FOXO3: variants seen among roughly 807,000 people sequenced by gnomAD.
The protein encoded by FOXO3 is forkhead box protein O3.
Under a neutral mutation model 41.9 loss-of-function variants are expected in FOXO3, and 4 were observed. The ratio of observed to expected loss-of-function variants is 0.10; its 90% confidence interval spans 0.05 to 0.22. The LOEUF (loss-of-function observed/expected upper bound fraction) is 0.22. Ranked by LOEUF, FOXO3 falls within the 10% of genes least tolerant of loss-of-function variation. The pLI, the probability that FOXO3 is intolerant of heterozygous loss-of-function variation, is 1.00. For missense variants in FOXO3, 534 were observed against 906.8 expected, an observed-to-expected ratio of 0.59 and a Z score of 5.28; for synonymous variants, 318 against 389.3, an observed-to-expected ratio of 0.82 and a Z score of 2.16.
At chr6:108,611,330 A>G (rs571378733) in intron 1 of FOXO3, among the ~76,000 whole-genome samples, 1 of 152,322 alleles carries the variant, frequency 6.6e-6, no homozygotes, top group Admixed American at 6.5e-5. Context: ...ATTAATATCT[A>G]TGTTCAGGAC....
At chr6:108,656,172 GAA>G (rs376591206) in intron 1 of FOXO3, among the ~76,000 whole-genome samples, 2 of 88,650 alleles carry the variant, frequency 2.3e-5, no homozygotes, top group South Asian at 8.0e-4. Context: ...TGTCTTTAAA[GAA>G]AAAAAAAAAG....
At chr6:108,612,220 AATG>A (rs1270965487) in intron 1 of FOXO3, among the ~76,000 whole-genome samples, 4 of 152,216 alleles carry the variant, frequency 2.6e-5, no homozygotes, top group African/African-American at 9.7e-5. Context: ...TACTATTGTA[AATG>A]ATATTTTAAA....
chr6:108,655,704 T>C (rs982435093), intron 1 of FOXO3, among the ~76,000 whole-genome samples: 1 of 152,172 alleles, frequency 6.6e-6, no homozygotes, highest in Non-Finnish European at 1.5e-5. Flanking sequence ...AAAGATCCTG[T>C]CATTATACAC....
chr6:108,643,982 G>A (rs925596960), intron 1 of FOXO3, among the ~76,000 whole-genome samples: 1 of 152,192 alleles, frequency 6.6e-6, no homozygotes, highest in East Asian at 1.9e-4. Context: ...TCCTGTGGCC[G>A]TTGTTACCCA....
chr6:108,651,980 T>A (rs762421170), intron 1 of FOXO3, among the ~76,000 whole-genome samples: 5 of 152,242 alleles, frequency 3.3e-5, no homozygotes, highest in Admixed American at 6.5e-5. Context: ...GCTGAGTCCC[T>A]GTTTCAGATT....
intron 1 of FOXO3, among the ~76,000 whole-genome samples, chr6:108,628,663 G>A (rs1777878199): frequency 6.6e-6 from 1 of 152,114 alleles, no homozygotes; most frequent in Non-Finnish European, 1.5e-5. Flanking sequence ...ACAGGGAGTG[G>A]GTAGGAGGTG....
chr6:108,638,200 C>A (rs558973568), intron 1 of FOXO3, among the ~76,000 whole-genome samples: 1 of 152,280 alleles, frequency 6.6e-6, no homozygotes, highest in Non-Finnish European at 1.5e-5. Flanking sequence ...GTGGAGGAGT[C>A]ATTTTCAGAT....
chr6:108,648,868 A>G (rs1778465906), intron 1 of FOXO3, among the ~76,000 whole-genome samples: 1 of 151,958 alleles, frequency 6.6e-6, no homozygotes, highest in Non-Finnish European at 1.5e-5. Flanking sequence ...GTAGGGGCGC[A>G]CACCTGTGTT....
At chr6:108,637,658 C>T (rs1400386256) in intron 1 of FOXO3, among the ~76,000 whole-genome samples, 2 of 151,924 alleles carry the variant, frequency 1.3e-5, no homozygotes, top group African/African-American at 4.8e-5. Flanking sequence ...TCTGTCTTTC[C>T]CCCGGATGTT....
intron 2 of FOXO3, among the ~76,000 whole-genome samples, chr6:108,669,976 TG>T (rs781335303): frequency 4.6e-5 from 7 of 152,072 alleles, no homozygotes; most frequent in Non-Finnish European, 1.0e-4. Flanking sequence ...TAACTTAGAG[TG>T]TTCATAATGC....
chr6:108,591,886 TA>T (rs10583126), intron 1 of FOXO3, among the ~76,000 whole-genome samples: 65,141 of 149,940 alleles, frequency 0.43, 14,932 homozygotes, highest in African/African-American at 0.61. Flanking sequence ...TCTTTTTAGT[TA>T]AAAAAAAAAA....
At chr6:108,625,966 G>A (rs985032812) in intron 1 of FOXO3, among the ~76,000 whole-genome samples, 3 of 152,172 alleles carry the variant, frequency 2.0e-5, no homozygotes, top group Non-Finnish European at 4.4e-5. Flanking sequence ...AATTCAGCTG[G>A]TGTGTTGCAT....
At chr6:108,674,284 C>T (rs528447462) in intron 2 of FOXO3, among the ~76,000 whole-genome samples, 1 of 152,296 alleles carries the variant, frequency 6.6e-6, no homozygotes, top group East Asian at 1.9e-4. Flanking sequence ...AGAGAGGGTT[C>T]TTCCAGGAGG....
At chr6:108,665,812 G>GAA (rs34062396) in intron 2 of FOXO3, among the ~76,000 whole-genome samples, 2,037 of 125,316 alleles carry the variant, frequency 0.016, 21 homozygotes, top group African/African-American at 0.035. Flanking sequence ...CTATCTCTTA[G>GAA]AAAAAAAAAA....
At chr6:108,660,645 C>T (rs1173948938) in intron 1 of FOXO3, among the ~76,000 whole-genome samples, 2 of 151,774 alleles carry the variant, frequency 1.3e-5, no homozygotes, top group Admixed American at 6.6e-5. Context: ...CCAAGGTGGG[C>T]AGATCACTTG....
intron 2 of FOXO3, among the ~76,000 whole-genome samples, chr6:108,678,955 T>C (rs1167673821): frequency 6.9e-6 from 1 of 144,950 alleles, no homozygotes; most frequent in African/African-American, 2.5e-5. Flanking sequence ...CACTGCAAGC[T>C]CTGCCTCTCA....
chr6:108,590,584 A>C (rs1391800048), intron 1 of FOXO3, among the ~76,000 whole-genome samples: 1 of 152,226 alleles, frequency 6.6e-6, no homozygotes, highest in Non-Finnish European at 1.5e-5. Context: ...TGTATATGCA[A>C]ATATTCCAAA....
chr6:108,561,338 C>G lies in FOXO3; in HGVS notation c.130C>G (p.Pro44Ala). 1.3e-6 allele frequency: 2 copies of G among 1,568,756 alleles called. No individual in the cohort carries two copies. The highest frequency in any genetic ancestry group is 1.7e-6 in the Non-Finnish European group (2 of 1,159,624). ...GCAAAGGCCGGAGCTCCAAGCGAGC[C>G]CTGCCAAGCCCTCGGGGGAGACGGC... ...PLQRPELQASPAKPSGETAAD... is the reference protein window; with the variant it reads ...PLQRPELQASAAKPSGETAAD... Residue 44 changes from proline to alanine, a missense_variant, in exon 1 of 3, where the codon CCT (proline) becomes GCT (alanine). This residue lies in a region of FOXO3 where 139 missense variants were observed against 163.7 expected (regional missense o/e 0.85). Coordinates refer to ENST00000406360, the MANE Select transcript of FOXO3 (RefSeq NM_001455.4).
chr6:108,581,327 TGAG>T (rs138694576), intron 1 of FOXO3, among the ~76,000 whole-genome samples: 12 of 152,112 alleles, frequency 7.9e-5, no homozygotes, highest in Non-Finnish European at 1.3e-4. Flanking sequence ...AAATGGGGGT[TGAG>T]GAGCATGGAA....
Sources: gnomAD v4.1 joint callset for allele counts (sites outside exome capture counted in the v4.1 genomes callset) on GRCh38, gnomAD v4.1.1 for gene constraint, gnomAD v4.1.1 regional missense constraint, MANE v1.5 for transcripts, NCBI Gene and HGNC (gene_info 2026-07-23, HGNC 2026-07-21) for gene names.